Variants in BRF1 observed in about 807,000 individuals in gnomAD.
The protein encoded by BRF1 is transcription factor IIIB 90 kDa subunit.
A neutral mutation model predicts 81.7 loss-of-function variants in BRF1; 59 were observed. The ratio of observed to expected loss-of-function variants is 0.72; its 90% CI spans 0.59 to 0.90. The LOEUF (loss-of-function observed/expected upper bound fraction) is 0.90, where lower values mean the gene tolerates loss of function less well. Among genes scored for constraint, BRF1 ranks in the 40% least tolerant of loss-of-function variants. BRF1 has a pLI of 0.00. For synonymous variants in BRF1, 491 were observed against 395.6 expected, an observed-to-expected ratio of 1.24 and a Z score of -2.86; for missense variants, 1,050 against 936.3, an observed-to-expected ratio of 1.12 and a Z score of -1.58.
chr14:105,223,371 C>T (rs999428969), intron 10 of BRF1, among the ~76,000 whole-genome samples: 3 of 152,216 alleles, frequency 2.0e-5, no homozygotes, highest in African/African-American at 7.2e-5. Context: ...GCTACACACC[C>T]TCAGCGTGCT....
chr14:105,220,582 G>A (rs907186617), intron 11 of BRF1, among the ~76,000 whole-genome samples: 33 of 152,226 alleles, frequency 2.2e-4, no homozygotes, highest in African/African-American at 7.2e-4. Flanking sequence ...AAATGATTCC[G>A]GAGTCCAGGC....
At chr14:105,241,044 T>G (rs2054571712) in intron 6 of BRF1, among the ~76,000 whole-genome samples, 1 of 152,186 alleles carries the variant, frequency 6.6e-6, no homozygotes, top group South Asian at 2.1e-4. Flanking sequence ...CCCTGAGAGT[T>G]CTGCCCCTTA....
chr14:105,212,054 C>A, intron 16 of BRF1, 59 bp downstream of exon 16: 1 of 1,593,162 alleles, frequency 6.3e-7, no homozygotes, highest in Middle Eastern at 1.7e-4. Context: ...CATCTGGGCC[C>A]AGGAAGAAGT....
At position 105,212,093 on chromosome 14, in the gene BRF1, G is replaced by A. The variant is rs1240327966; in HGVS notation, c.1824+20C>T. ...CTGCCTCCCAAGGTCTCCCTGCCCT[G>A]GCTGCGTGGGACAACACACCTCTCC... On this transcript the variant is annotated intron_variant, in intron 16 of 17. Coordinates refer to ENST00000547530, the MANE Select transcript of BRF1 (RefSeq NM_001519.4). 6.2e-7 allele frequency: 1 copy of A among 1,611,662 alleles called. No homozygotes were observed. Among genetic ancestry groups the A allele is most frequent in the East Asian group, 2.2e-5 (1 of 44,822 alleles).
At position 105,259,256 on chromosome 14, in the gene BRF1, C is replaced by T. The variant is rs185490253; in HGVS notation, c.440-2707G>A. On this transcript the variant is annotated intron_variant, in intron 3 of 17. Transcript: ENST00000547530. Reference sequence around the variant, plus strand: ...CCCAGGAGTTCAAGACCGGCCTGGGCAACACAGTGAGACCCTGTTTCTACA... The same window carrying T: ...CCCAGGAGTTCAAGACCGGCCTGGGTAACACAGTGAGACCCTGTTTCTACA... Among the ~76,000 whole-genome samples the T allele has an allele frequency of 2.6e-4, 40 of 152,188 alleles. No individual in the cohort carries two copies. The East Asian group carries it at 7.7e-3, about 29-fold the overall frequency.
At chr14:105,287,867 G>A (rs780741337) in intron 1 of BRF1, among the ~76,000 whole-genome samples, 7 of 152,228 alleles carry the variant, frequency 4.6e-5, no homozygotes, top group East Asian at 1.9e-4. Context: ...GGGCCCGTCC[G>A]GAAACTCAGA....
At chr14:105,256,677 C>T in intron 3 of BRF1, 128 bp from the exon 4 acceptor site, 2 of 1,415,900 alleles carry the variant, frequency 1.4e-6, no homozygotes, top group Non-Finnish European at 1.9e-6. Flanking sequence ...ATAAGCTCCA[C>T]CTTTGATCAG....
rs1476260575 is a variant in BRF1, at chr14:105,314,965, T to C, written c.-162+357A>G. On this transcript the variant is annotated intron_variant, in intron 1 of 17. Coordinates refer to the BRF1 transcript ENST00000327359. ...GGCCTCCCCGGCGCGCCCGGCGCGC[T>C]CAACACGCCCGTGCCCATGAACCTG... 3 of 1,203,872 alleles carry C rather than the reference T, an allele frequency of 2.5e-6. No homozygotes were observed. The highest frequency in any genetic ancestry group is 1.6e-5 in the African/African-American group (1 of 60,728). 74.6% of individuals were successfully genotyped at this position (1,203,872 alleles called of 1,614,324 possible).
upstream of BRF1, among the ~76,000 whole-genome samples, chr14:105,305,230 G>A (rs1350031002): frequency 6.6e-6 from 1 of 151,976 alleles, no homozygotes; most frequent in Non-Finnish European, 1.5e-5. Context: ...GCAAAACCCT[G>A]ACTCTACAAA....
In BRF1 at chr14:105,209,286, T is replaced by C. The variant is rs927792034; in HGVS notation, c.*1265A>G. On this transcript the variant is annotated 3_prime_UTR_variant, in exon 18 of 18. Transcript: ENST00000547530. ...ACAGAATCAGACAAGCCTCAGGCAA[T>C]TTCTGTTAAGTAACAACAGATCTTC... 6 of 476,924 alleles carry C rather than the reference T, an allele frequency of 1.3e-5. No individual in the cohort carries two copies. The highest frequency in any genetic ancestry group is 2.0e-5 in the African/African-American group (1 of 49,918). 29.5% of individuals were successfully genotyped at this position (476,924 alleles called of 1,614,324 possible). A position where few individuals can be genotyped will look rare whatever the true frequency, so the allele number is the denominator to read the frequency against.
Position 105,300,781 on chromosome 14 carries a change from C to G in BRF1, c.-152G>C. On this transcript the variant is annotated 5_prime_UTR_variant, in exon 1 of 18. Transcript: ENST00000547530. ...TCCAGCCGATTCGCAGCCGCAGATT[C>G]GCCGCGCGCGCCCGGGCCGCGCCGC... 2 of 465,108 alleles carry G rather than the reference C, an allele frequency of 4.3e-6. No homozygotes were observed. The highest frequency in any genetic ancestry group is 6.1e-6 in the Non-Finnish European group (2 of 326,960). 28.8% of individuals were successfully genotyped at this position (465,108 alleles called of 1,614,324 possible). A position where few individuals can be genotyped will look rare whatever the true frequency, so the allele number is the denominator to read the frequency against.
At chr14:105,262,368 G>C (rs1443714963) in intron 3 of BRF1, among the ~76,000 whole-genome samples, 1 of 152,216 alleles carries the variant, frequency 6.6e-6, no homozygotes, top group African/African-American at 2.4e-5. Flanking sequence ...CTGATGCGGG[G>C]TAGGAGACCT....
chr14:105,279,456 T>C (rs2056979416), intron 2 of BRF1, among the ~76,000 whole-genome samples: 1 of 152,198 alleles, frequency 6.6e-6, no homozygotes, highest in Admixed American at 6.5e-5. Context: ...GAGCAAAGGT[T>C]GTGGCCATAA....
Position 105,286,238 on chromosome 14 carries a change from C to A in BRF1, c.265+58G>T, listed in dbSNP as rs1219393211. On this transcript the variant is annotated intron_variant, in intron 2 of 17. Coordinates refer to ENST00000547530, the MANE Select transcript of BRF1 (RefSeq NM_001519.4). ...GAGTCAGTGCCCTCCACCCTAGCAC[C>A]ACCATCCCCATCTCTGGGACCCGCC... is the stretch of plus-strand genomic sequence containing the variant. 13 of 1,541,536 alleles carry A rather than the reference C, an allele frequency of 8.4e-6. No individual in the cohort carries two copies. In the Middle Eastern group the frequency reaches 1.2e-3, roughly 147 times the overall value.
Position 105,315,127 on chromosome 14 carries a change from G to C in BRF1, c.-162+195C>G. On this transcript the variant is annotated intron_variant, in intron 1 of 17. Transcript: ENST00000327359. This position sits in a 1 kb window ranked among gnomAD's most constrained non-coding sequence, Gnocchi z 4.4. ...TCTGCGCGCCCCATCCCCGGCCCGG[G>C]TCCCCCAGCGGAGCCCAGGTCGCCC... 3 of 823,446 alleles carry C rather than the reference G, an allele frequency of 3.6e-6. No homozygotes were observed. Among genetic ancestry groups the C allele is most frequent in the Non-Finnish European group, 4.5e-6 (3 of 672,724 alleles). 51.0% of individuals were successfully genotyped at this position (823,446 alleles called of 1,614,324 possible).
intron 6 of BRF1, 101 bp downstream of exon 6, chr14:105,241,164 C>A: frequency 1.3e-6 from 2 of 1,531,438 alleles, no homozygotes; most frequent in Admixed American, 3.6e-5. Context: ...GCTCTCAGTG[C>A]TCTGCAAACA....
At chr14:105,241,818 C>T (rs1334432454) in intron 5 of BRF1, 3 of 223,200 alleles carry the variant, frequency 1.3e-5, no homozygotes, top group Non-Finnish European at 2.8e-5. Context: ...GCCAGCCGGC[C>T]GGCATCAGCT....
At chr14:105,229,752 C>G (rs587627042) in intron 6 of BRF1, among the ~76,000 whole-genome samples, 1 of 9,302 alleles carries the variant, frequency 1.1e-4, no homozygotes, top group African/African-American at 3.6e-4. Context: ...GGGCGGGGGA[C>G]AGCCTGGCAG....
chr14:105,312,999 C>G (rs148025879), intron 1 of BRF1, among the ~76,000 whole-genome samples: 1 of 152,172 alleles, frequency 6.6e-6, no homozygotes, highest in African/African-American at 2.4e-5. Flanking sequence ...TGGGATGGGA[C>G]AGAACTGTCA....
Sources: gnomAD v4.1 joint callset for allele counts (sites outside exome capture counted in the v4.1 genomes callset) on GRCh38, gnomAD v4.1.1 for gene constraint, Gnocchi (gnomAD v3.1) non-coding constraint, MANE v1.5 for transcripts, NCBI Gene and HGNC (gene_info 2026-07-23, HGNC 2026-07-21) for gene names.